The following CDH19 variants were observed in gnomAD, a reference collection of about 807,000 sequenced individuals.
CDH19 encodes cadherin-19.
Under a neutral mutation model 64.2 loss-of-function variants are expected in CDH19, and 67 were observed. That is an observed-to-expected ratio of 1.04 (90% CI 0.86 to 1.28). The LOEUF (loss-of-function observed/expected upper bound fraction) is 1.28, where lower values mean the gene tolerates loss of function less well. CDH19 is among the 50% of genes most tolerant of loss of function. CDH19 has a pLI of 0.00. For synonymous variants in CDH19, 346 were observed against 319.3 expected, an observed-to-expected ratio of 1.08 and a Z score of -0.89; for missense variants, 1,030 against 929.0, an observed-to-expected ratio of 1.11 and a Z score of -1.41.
chr18:66,587,676 C>T (rs995116177), intron 1 of CDH19, among the ~76,000 whole-genome samples: 3 of 152,098 alleles, frequency 2.0e-5, no homozygotes, highest in African/African-American at 7.2e-5. Context: ...TTTATTGCTT[C>T]CTAGTTTGGC....
intron 9 of CDH19, among the ~76,000 whole-genome samples, chr18:66,523,830 T>A (rs1312399792): frequency 6.9e-6 from 1 of 143,946 alleles, no homozygotes; most frequent in Non-Finnish European, 1.5e-5. Context: ...AGTCTTCTCC[T>A]GCAATGTTCA....
intron 1 of CDH19, among the ~76,000 whole-genome samples, chr18:66,598,366 C>G (rs146931154): frequency 1.3e-3 from 192 of 152,184 alleles, no homozygotes; most frequent in African/African-American, 4.3e-3. Flanking sequence ...ATATATAGTT[C>G]TACCATAAAG....
intron 1 of CDH19, among the ~76,000 whole-genome samples, chr18:66,574,025 T>C (rs1319313150): frequency 6.6e-6 from 1 of 151,638 alleles, no homozygotes; most frequent in African/African-American, 2.4e-5. Context: ...GTGTTCAAAT[T>C]AAAAATCTTT....
rs760100342 is a variant in CDH19, at chr18:66,504,838, CAAACATGCATGCTAATCTTT to C, written c.2273_2292del (p.Lys758ArgfsTer8). 2.5e-6 allele frequency: 4 copies of C among 1,604,912 alleles called. No homozygotes were observed. The highest frequency in any genetic ancestry group is 3.4e-6 in the Non-Finnish European group (4 of 1,172,770). The stretch of plus-strand genomic sequence containing the variant: ...TAATTATTTGACTGCACTGCAGAAC[CAAACATGCATGCTAATCTTT>C]TAAAGCGAGGTCCCAACTCATTAAG... On this transcript the variant is annotated frameshift_variant, in exon 12 of 12. Coordinates refer to ENST00000262150, the MANE Select transcript of CDH19 (RefSeq NM_021153.4). LOFTEE classifies it high-confidence loss of function.
intron 1 of CDH19, among the ~76,000 whole-genome samples, chr18:66,578,430 A>G (rs1203366374): frequency 6.6e-6 from 1 of 151,970 alleles, no homozygotes; most frequent in Non-Finnish European, 1.5e-5. Context: ...ATGAGATACC[A>G]GTAAACTCTT....
At position 66,544,873 on chromosome 18, in the gene CDH19, G is replaced by A; in HGVS notation, c.806C>T (p.Ala269Val). Residue 269 changes from alanine to valine, a missense_variant, in exon 6 of 12, where the codon GCA becomes GTA. By Grantham distance (64) the Ala-to-Val change is moderately conservative. Coordinates refer to ENST00000262150, the MANE Select transcript of CDH19 (RefSeq NM_021153.4). Reference protein sequence around the residue: ...SLYRLTVSESAPTGTSIGTIM... With the variant: ...SLYRLTVSESVPTGTSIGTIM... ...TGTTCCTATAGAAGTCCCAGTGGGT[G>A]CAGATTCAGAGACAGTCAAGCGGTA... 6.2e-7 allele frequency: 1 copy of A among 1,610,080 alleles called. No individual in the cohort carries two copies. The highest frequency in any genetic ancestry group is 8.5e-7 in the Non-Finnish European group (1 of 1,178,410).
At chr18:66,595,557 T>C (rs1250224576) in intron 1 of CDH19, among the ~76,000 whole-genome samples, 3 of 114,224 alleles carry the variant, frequency 2.6e-5, no homozygotes, top group African/African-American at 3.5e-5. Flanking sequence ...TATGCACACA[T>C]AGTAGAAAAC....
At chr18:66,587,726 G>A (rs369655437) in intron 1 of CDH19, among the ~76,000 whole-genome samples, 24 of 152,162 alleles carry the variant, frequency 1.6e-4, no homozygotes, top group African/African-American at 5.8e-4. Flanking sequence ...TACCAAGCCT[G>A]CGTCACTGAG....
At chr18:66,591,832 T>C (rs925722648) in intron 1 of CDH19, among the ~76,000 whole-genome samples, 2 of 151,882 alleles carry the variant, frequency 1.3e-5, no homozygotes, top group Non-Finnish European at 2.9e-5. Flanking sequence ...CTGGACATAA[T>C]ATCTTCAGAT....
At chr18:66,527,050 T>TGC (rs1390635826) in intron 9 of CDH19, among the ~76,000 whole-genome samples, 1 of 85,596 alleles carries the variant, frequency 1.2e-5, no homozygotes, top group Non-Finnish European at 2.1e-5. Context: ...TATATATATG[T>TGC]GTGTGTGTGT....
At chr18:66,575,808 C>T (rs11873098) in intron 1 of CDH19, among the ~76,000 whole-genome samples, 2 of 151,474 alleles carry the variant, frequency 1.3e-5, no homozygotes, top group Non-Finnish European at 3.0e-5. Context: ...AATAGAAAGA[C>T]CTTCTTTAAA....
intron 1 of CDH19, among the ~76,000 whole-genome samples, chr18:66,595,520 A>C (rs1388705232): frequency 1.3e-5 from 2 of 150,528 alleles, no homozygotes; most frequent in Non-Finnish European, 3.0e-5. Flanking sequence ...CAGAAAAAAA[A>C]AAAAAAAAAA....
intron 3 of CDH19, among the ~76,000 whole-genome samples, chr18:66,555,881 G>A (rs187493368): frequency 4.6e-4 from 69 of 151,644 alleles, no homozygotes; most frequent in Middle Eastern, 6.8e-3. Context: ...TTTCCATAAG[G>A]GGTTCCCATC....
At chr18:66,511,998 C>G (rs1985515378) in intron 9 of CDH19, among the ~76,000 whole-genome samples, 1 of 151,522 alleles carries the variant, frequency 6.6e-6, no homozygotes, top group Admixed American at 6.6e-5. Context: ...TCCTCCCTGC[C>G]TACATTTCAC....
chr18:66,574,386 G>A (rs1185413468), intron 1 of CDH19, among the ~76,000 whole-genome samples: 5 of 151,566 alleles, frequency 3.3e-5, no homozygotes, highest in East Asian at 1.9e-4. Flanking sequence ...AATGTTGAAC[G>A]TGTTAAGCAG....
chr18:66,523,920 G>C (rs928903191), intron 9 of CDH19, among the ~76,000 whole-genome samples: 13 of 126,370 alleles, frequency 1.0e-4, no homozygotes, highest in African/African-American at 3.8e-4. Flanking sequence ...GGGCGGGGGG[G>C]TTGGGGGGCG....
rs559666685 is a variant in CDH19 at position 66,527,380 on chromosome 18, T to C, written c.1458+2465A>G. Among the ~76,000 whole-genome samples, 23 of 152,200 alleles carry C rather than the reference T, an allele frequency of 1.5e-4. 1 individual carries two copies. The South Asian group carries it at 4.3e-3, about 29-fold the overall frequency. On this transcript the variant is annotated intron_variant, in intron 9 of 11. Transcript: ENST00000262150. ...ATTATAATCACTATATGTGCATACA[T>C]ATATAACTATGGAATAAAATCAAGA...
intron 1 of CDH19, among the ~76,000 whole-genome samples, chr18:66,573,893 CCACACACACA>C (rs140587493): frequency 1.4e-5 from 2 of 145,156 alleles, no homozygotes; most frequent in Admixed American, 6.9e-5. Context: ...ACCACTGAAG[CCACACACACA>C]CACACACACA....
At chr18:66,574,831 G>T (rs1462450784) in intron 1 of CDH19, among the ~76,000 whole-genome samples, 1 of 151,820 alleles carries the variant, frequency 6.6e-6, no homozygotes, top group Non-Finnish European at 1.5e-5. Context: ...GTTGTTAGCA[G>T]ATGTCTCATC....
Sources: allele counts gnomAD v4.1 joint callset (sites outside exome capture counted in the v4.1 genomes callset), GRCh38; gene constraint gnomAD v4.1.1; transcripts MANE v1.5; gene names NCBI Gene and HGNC (gene_info 2026-07-23, HGNC 2026-07-21).